The following HIVEP2 variants were observed in gnomAD, a reference collection of about 807,000 sequenced individuals.
HIVEP2 encodes transcription factor HIVEP2.
HIVEP2 carries 14 observed loss-of-function variants against 180.7 expected under a neutral mutation model. The observed-to-expected ratio is 0.08, with a 90% CI of 0.05 to 0.12. The LOEUF is 0.12. Among genes scored for constraint, HIVEP2 ranks in the 10% least tolerant of loss-of-function variants. The probability of loss-of-function intolerance (pLI) is 1.00; values close to 1 mark genes in which losing one functional copy is unlikely to be tolerated. For synonymous variants in HIVEP2, 1,184 were observed against 1,136.4 expected (o/e 1.04, Z -0.84); for missense variants, 2,579 against 3,008.5 (o/e 0.86, Z 3.34).
At chr6:142,755,487 C>T (rs1775042074) in intron 9 of HIVEP2, among the ~76,000 whole-genome samples, 1 of 152,164 alleles carries the variant, frequency 6.6e-6, no homozygotes, top group Non-Finnish European at 1.5e-5. Flanking sequence ...ATCACAGATT[C>T]AAAGTTTAAA....
At chr6:142,923,330 C>CAA (rs1160261854) in intron 1 of HIVEP2, among the ~76,000 whole-genome samples, 1 of 118,324 alleles carries the variant, frequency 8.5e-6, no homozygotes, top group Non-Finnish European at 1.8e-5. Flanking sequence ...GACTCCGTCT[C>CAA]AAAAAAAAAA....
At chr6:142,909,363 T>C (rs1777344725) in intron 1 of HIVEP2, among the ~76,000 whole-genome samples, 1 of 152,326 alleles carries the variant, frequency 6.6e-6, no homozygotes, top group South Asian at 2.1e-4. Context: ...ATAGTATACA[T>C]TGGCAGATGA....
At chr6:142,849,217 A>G (rs1320568929) in intron 1 of HIVEP2, among the ~76,000 whole-genome samples, 1 of 152,236 alleles carries the variant, frequency 6.6e-6, no homozygotes, top group Non-Finnish European at 1.5e-5. Context: ...AAATTACCAC[A>G]GAGTCCATAG....
chr6:142,813,718 G>C (rs1396448307), intron 2 of HIVEP2, among the ~76,000 whole-genome samples: 1 of 151,488 alleles, frequency 6.6e-6, no homozygotes, highest in Non-Finnish European at 1.5e-5. Context: ...TGGGACTATA[G>C]GTACATGCCC....
chr6:142,879,698 G>T (rs1163771110), intron 1 of HIVEP2, among the ~76,000 whole-genome samples: 1 of 152,076 alleles, frequency 6.6e-6, no homozygotes, highest in African/African-American at 2.4e-5. Flanking sequence ...TGTCTGAGCA[G>T]CTGCAGATCA....
intron 2 of HIVEP2, among the ~76,000 whole-genome samples, chr6:142,791,714 G>A (rs888024516): frequency 6.6e-6 from 1 of 152,060 alleles, no homozygotes; most frequent in Non-Finnish European, 1.5e-5. Context: ...AGATATTACT[G>A]CCTCATTTAC....
intron 1 of HIVEP2, among the ~76,000 whole-genome samples, chr6:142,842,696 C>T (rs187606736): frequency 2.0e-5 from 3 of 151,962 alleles, no homozygotes; most frequent in Admixed American, 2.0e-4. Context: ...AATTTTCTTT[C>T]CCAGAGTTCA....
At chr6:142,880,739 C>T (rs549700428) in intron 1 of HIVEP2, among the ~76,000 whole-genome samples, 20 of 152,256 alleles carry the variant, frequency 1.3e-4, no homozygotes, top group Non-Finnish European at 2.2e-4. Flanking sequence ...AGGCAAAGTT[C>T]GGCCTACAAC....
intron 1 of HIVEP2, among the ~76,000 whole-genome samples, chr6:142,922,702 C>T (rs1007766913): frequency 6.6e-6 from 1 of 152,200 alleles, no homozygotes; most frequent in Non-Finnish European, 1.5e-5. Context: ...CTGAAACCCA[C>T]AGTTCTGGTC....
chr6:142,807,370 G>A (rs1368420701), intron 2 of HIVEP2, among the ~76,000 whole-genome samples: 4 of 152,168 alleles, frequency 2.6e-5, no homozygotes, highest in African/African-American at 7.2e-5. Flanking sequence ...AGGTCAAGAT[G>A]TCTGGGAGGT....
intron 1 of HIVEP2, among the ~76,000 whole-genome samples, chr6:142,892,340 T>G (rs961181735): frequency 1.3e-5 from 2 of 152,102 alleles, no homozygotes; most frequent in Non-Finnish European, 2.9e-5. Context: ...AAGTAGGGAC[T>G]CATGTGCACA....
chr6:142,841,380 C>T (rs1775358392), intron 1 of HIVEP2, among the ~76,000 whole-genome samples: 1 of 152,212 alleles, frequency 6.6e-6, no homozygotes, highest in African/African-American at 2.4e-5. Context: ...TTTGTTCAGA[C>T]TGCCAGTATG....
At chr6:142,791,368 C>T (rs1776134470) in intron 2 of HIVEP2, among the ~76,000 whole-genome samples, 1 of 152,154 alleles carries the variant, frequency 6.6e-6, no homozygotes, top group African/African-American at 2.4e-5. Context: ...ATGATTTGCA[C>T]AAATGAATTA....
chr6:142,921,348 C>T (rs547344168), intron 1 of HIVEP2, among the ~76,000 whole-genome samples: 1 of 152,342 alleles, frequency 6.6e-6, no homozygotes, highest in Non-Finnish European at 1.5e-5. Flanking sequence ...CCAGCCTGGC[C>T]AACATGGCGA....
At chr6:142,944,836 C>T (rs1778276532) in intron 1 of HIVEP2, 1 of 152,376 alleles carries the variant, frequency 6.6e-6, no homozygotes, top group Admixed American at 6.5e-5. Flanking sequence ...CGGCAGCGGC[C>T]AGAGCCGCTC....
At chr6:142,892,593 A>G (rs1053000192) in intron 1 of HIVEP2, among the ~76,000 whole-genome samples, 1 of 152,352 alleles carries the variant, frequency 6.6e-6, no homozygotes, top group South Asian at 2.1e-4. Flanking sequence ...TTCATTAAAC[A>G]AAGTCTATAA....
Position 142,771,594 on chromosome 6 carries a change from T to TG in HIVEP2, c.3144dup (p.Lys1049GlnfsTer4). ...GACAGATTCCCATAATCAAATGATT[T>TG]GCTCCGAACTTCTGGGACTTCCGCT... On this transcript the variant is annotated frameshift_variant, in exon 5 of 10. Transcript: ENST00000367603. LOFTEE classifies it high-confidence loss of function. This position sits in a 1 kb window ranked among gnomAD's most constrained non-coding sequence, Gnocchi z 5.4. The TG allele has an allele frequency of 6.2e-7, 1 of 1,614,168 alleles. No individual in the cohort carries two copies. Among genetic ancestry groups the TG allele is most frequent in the South Asian group, 1.1e-5 (1 of 91,086 alleles).
chr6:142,842,799 A>ATT (rs74602075), intron 1 of HIVEP2, among the ~76,000 whole-genome samples: 1 of 151,472 alleles, frequency 6.6e-6, no homozygotes, highest in African/African-American at 2.4e-5. Flanking sequence ...TTAGTATAAG[A>ATT]TTTTTTTTTA....
intron 2 of HIVEP2, among the ~76,000 whole-genome samples, chr6:142,798,435 C>A (rs1452716371): frequency 6.6e-6 from 1 of 152,096 alleles, no homozygotes; most frequent in African/African-American, 2.4e-5. Context: ...GTTCCCTGTT[C>A]CTTGCTGTCA....
Sources: allele counts gnomAD v4.1 joint callset (sites outside exome capture counted in the v4.1 genomes callset), GRCh38; gene constraint gnomAD v4.1.1; non-coding constraint Gnocchi (gnomAD v3.1); transcripts MANE v1.5; gene names NCBI Gene and HGNC (gene_info 2026-07-23, HGNC 2026-07-21).